CNGA1: variants seen among roughly 807,000 people sequenced by gnomAD.
The protein encoded by CNGA1 is cyclic nucleotide-gated channel alpha-1.
CNGA1 carries 53 observed loss-of-function variants against 69.7 expected under a neutral mutation model. The observed-to-expected ratio is 0.76, with a 90% CI of 0.61 to 0.96. The LOEUF (loss-of-function observed/expected upper bound fraction) is 0.96. Among genes scored for constraint, CNGA1 ranks in the 40% least tolerant of loss-of-function variants. CNGA1 has a pLI of 0.00. For synonymous variants in CNGA1, 249 were observed against 283.5 expected (o/e 0.88, Z 1.22); for missense variants, 739 against 811.2 (o/e 0.91, Z 1.08).
At chr4:47,959,056 C>A (rs188347010) in intron 3 of CNGA1, 1 of 151,928 alleles carries the variant, frequency 6.6e-6, no homozygotes, top group Non-Finnish European at 1.5e-5. Context: ...AAAATGTTTG[C>A]GAAGAAGATT....
At position 48,005,336 on chromosome 4, in the gene CNGA1, T is replaced by C. The variant is rs543718805; in HGVS notation, c.-123+5458A>G. Among the ~76,000 whole-genome samples, 160 of 152,276 alleles carry C rather than the reference T, an allele frequency of 1.1e-3. 2 individuals carry two copies. Among genetic ancestry groups the C allele is most frequent in the African/African-American group, 3.8e-3 (158 of 41,550 alleles). ...TTTCTCCATCTTGGCCAGGCTGGTCTCGAACTCCTGAACTCATGATCCATC... is the reference window on the plus strand; with the variant it reads ...TTTCTCCATCTTGGCCAGGCTGGTCCCGAACTCCTGAACTCATGATCCATC... On this transcript the variant is annotated intron_variant, in intron 2 of 10. Coordinates refer to ENST00000514170, the MANE Select transcript of CNGA1 (RefSeq NM_001379270.1).
In CNGA1 at chr4:47,936,452, C is replaced by G. The variant is rs759258126; in HGVS notation, c.2030G>C (p.Gly677Ala). ...DTEFSSIEGP[G>A]AESGPIDST The stretch of plus-strand genomic sequence containing the variant: ...AGAGTCGATGGGCCCACTTTCCGCT[C>G]CAGGTCCCTCAATACTTGAAAATTC... The change falls in exon 11 of 11, where the codon GGA becomes GCA. Residue 677 changes from glycine (G) to alanine (A), a missense_variant. Gly to Ala is a moderately conservative substitution (Grantham distance 60). Transcript: ENST00000514170. 34 of 1,614,136 alleles carry G rather than the reference C, an allele frequency of 2.1e-5. No individual in the cohort carries two copies. The East Asian group carries it at 7.1e-4, about 34-fold the overall frequency.
intron 3 of CNGA1, among the ~76,000 whole-genome samples, chr4:47,966,593 A>T (rs1029254297): frequency 1.3e-5 from 2 of 152,190 alleles, no homozygotes; most frequent in African/African-American, 4.8e-5. Flanking sequence ...ATTACTCTGC[A>T]TTATTTGCCT....
chr4:48,007,544 G>A (rs528337407), intron 2 of CNGA1, among the ~76,000 whole-genome samples: 47 of 152,140 alleles, frequency 3.1e-4, no homozygotes, highest in African/African-American at 3.9e-4. Flanking sequence ...AATTGCTGTC[G>A]GTGTTTTAAG....
At chr4:47,941,916 T>A in intron 9 of CNGA1, 125 bp downstream of exon 9, 1 of 668,228 alleles carries the variant, frequency 1.5e-6, no homozygotes, top group Non-Finnish European at 2.6e-6. Flanking sequence ...AGCCTCTCTT[T>A]ACCACCTGCA....
At chr4:47,956,934 T>A (rs1193752339) in intron 3 of CNGA1, among the ~76,000 whole-genome samples, 1 of 152,126 alleles carries the variant, frequency 6.6e-6, no homozygotes, top group Admixed American at 6.5e-5. Flanking sequence ...TTTATTTTTT[T>A]ATTTTTTTAT....
At chr4:47,997,786 A>T (rs1430367031) in intron 2 of CNGA1, among the ~76,000 whole-genome samples, 2 of 152,212 alleles carry the variant, frequency 1.3e-5, no homozygotes, top group Non-Finnish European at 2.9e-5. Context: ...CAGCTTCACA[A>T]ATAAATCATG....
At chr4:47,945,530 C>A (rs1056446384) in intron 6 of CNGA1, among the ~76,000 whole-genome samples, 9 of 152,254 alleles carry the variant, frequency 5.9e-5, no homozygotes, top group Admixed American at 1.3e-4. Context: ...CATCGTGGCC[C>A]CCTGTTAAAC....
intron 6 of CNGA1, among the ~76,000 whole-genome samples, chr4:47,947,765 G>A (rs1341532441): frequency 6.6e-6 from 1 of 152,226 alleles, no homozygotes; most frequent in East Asian, 1.9e-4. Context: ...TGCCTTGACT[G>A]GTTGGTCAGG....
chr4:47,949,750 A>G (rs1433922656), intron 6 of CNGA1, 83 bp downstream of exon 6: 3 of 984,130 alleles, frequency 3.0e-6, no homozygotes, highest in Non-Finnish European at 4.8e-6. Context: ...TGTTTCCTCT[A>G]TAACAGATTC....
intron 10 of CNGA1, 88 bp downstream of exon 10, chr4:47,940,675 G>T: frequency 1.0e-6 from 1 of 965,072 alleles, no homozygotes; most frequent in Non-Finnish European, 1.6e-6. Flanking sequence ...AGTTTTCTTT[G>T]AAGAATACTT....
chr4:48,010,691 T>A, intron 2 of CNGA1, 103 bp downstream of exon 2: 1 of 153,574 alleles, frequency 6.5e-6, no homozygotes, highest in Non-Finnish European at 1.4e-5. Flanking sequence ...TCAGCTCGAT[T>A]AGGATGAACC....
At chr4:47,989,459 G>C (rs944275940) in intron 2 of CNGA1, among the ~76,000 whole-genome samples, 9 of 152,028 alleles carry the variant, frequency 5.9e-5, no homozygotes, top group African/African-American at 2.2e-4. Context: ...ACACTTACCA[G>C]GGTACCATCA....
At position 47,943,414 on chromosome 4, in the gene CNGA1, T is replaced by TAAAAA; in HGVS notation, c.288-3_288-2insTTTTT. On this transcript the variant is annotated splice_polypyrimidine_tract_variant and splice_region_variant and intron_variant, in intron 6 of 10. Transcript: ENST00000514170. ...TTTTTCTTTTTTTCTTCTGGTTCCCTAAAGAAAAAAATAATATATCTGTCA... is the reference window on the plus strand; with the variant it reads ...TTTTTCTTTTTTTCTTCTGGTTCCCTAAAAAAAAGAAAAAAATAATATATCTGTCA... 1 of 1,451,666 alleles carries TAAAAA rather than the reference T, an allele frequency of 6.9e-7. No individual in the cohort carries two copies. The highest frequency in any genetic ancestry group is 2.5e-5 in the Admixed American group (1 of 39,922). 89.9% of individuals were successfully genotyped at this position (1,451,666 alleles called of 1,614,324 possible). A position where few individuals can be genotyped will look rare whatever the true frequency, so the allele number is the denominator to read the frequency against.
chr4:47,949,278 C>A (rs946304159), intron 6 of CNGA1, among the ~76,000 whole-genome samples: 1 of 152,184 alleles, frequency 6.6e-6, no homozygotes, highest in Non-Finnish European at 1.5e-5. Flanking sequence ...CAACTTTTTT[C>A]CAATAACTGT....
rs1738673948 is a variant in CNGA1 at position 47,936,793 on chromosome 4, AC to A, written c.1688del (p.Ser563IlefsTer19). The A allele has an allele frequency of 3.7e-6, 6 of 1,614,046 alleles. No homozygotes were observed. Among genetic ancestry groups the A allele is most frequent in the Non-Finnish European group, 4.2e-6 (5 of 1,180,034 alleles). On this transcript the variant is annotated frameshift_variant, in exon 11 of 11. Coordinates refer to ENST00000514170, the MANE Select transcript of CNGA1 (RefSeq NM_001379270.1). LOFTEE classifies it high-confidence loss of function. ...GACAGAACAGGTCTGAGTAGCCAAT[AC>A]TTTTAATATTGGCCGTTCTTCGATT... ...AGNRRTANIK[S>X]IGYSDLFCLS... is the part of the protein sequence containing the mutation.
At chr4:47,991,055 G>T (rs1437170779) in intron 2 of CNGA1, among the ~76,000 whole-genome samples, 3 of 151,988 alleles carry the variant, frequency 2.0e-5, no homozygotes, top group Non-Finnish European at 4.4e-5. Flanking sequence ...TCCACTCATT[G>T]ATTCATGGGC....
At chr4:47,968,590 A>G (rs1042479814) in intron 3 of CNGA1, among the ~76,000 whole-genome samples, 3 of 152,096 alleles carry the variant, frequency 2.0e-5, no homozygotes, top group African/African-American at 7.2e-5. Flanking sequence ...ATAATAGGAC[A>G]CTCCTACTGC....
rs1381200823 is a variant in CNGA1, at chr4:47,936,650, T to C, written c.1832A>G (p.Asn611Ser). ...KDGLLDLNIA[N>S]AGSDPKDLEE... The stretch of plus-strand genomic sequence containing the variant: ...AAGATCTTTAGGATCACTGCCAGCA[T>C]TTGCAATGTTTAGATCCAGTAGACC... Residue 611 changes from asparagine (N) to serine (S), a missense_variant, in exon 11 of 11, where the codon AAT becomes AGT. Physicochemically the swap from Asn to Ser is conservative, Grantham distance 46. Transcript: ENST00000514170. 6 of 1,614,136 alleles carry C rather than the reference T, an allele frequency of 3.7e-6. No homozygotes were observed. The highest frequency in any genetic ancestry group is 5.1e-6 in the Non-Finnish European group (6 of 1,179,998).
Sources: allele counts gnomAD v4.1 joint callset (sites outside exome capture counted in the v4.1 genomes callset), GRCh38; gene constraint gnomAD v4.1.1; transcripts MANE v1.5; gene names NCBI Gene and HGNC (gene_info 2026-07-23, HGNC 2026-07-21).